Variants in PTPRD observed in about 807,000 individuals in gnomAD.
PTPRD encodes protein tyrosine phosphatase receptor type D, also known as receptor-type tyrosine-protein phosphatase delta.
In PTPRD, 34 loss-of-function variants were observed where a neutral mutation model predicts 214.5. The ratio of observed to expected loss-of-function variants is 0.16; its 90% CI spans 0.12 to 0.21. The LOEUF is 0.21. PTPRD is among the 10% of genes least tolerant of loss of function. The pLI is 1.00. For missense variants in PTPRD, 2,545 were observed against 2,398.7 expected, an observed-to-expected ratio of 1.06 and a Z score of -1.27; for synonymous variants, 1,128 against 845.7, an observed-to-expected ratio of 1.33 and a Z score of -5.79.
intron 42 of PTPRD, among the ~76,000 whole-genome samples, chr9:8,339,916 A>G (rs1051639174): frequency 6.6e-6 from 1 of 152,102 alleles, no homozygotes; most frequent in African/African-American, 2.4e-5. Context: ...TTGCTTTCCA[A>G]CACTTTATTC....
At chr9:9,822,614 A>AT (rs1447870477) in intron 5 of PTPRD, among the ~76,000 whole-genome samples, 2 of 151,152 alleles carry the variant, frequency 1.3e-5, no homozygotes, top group Non-Finnish European at 1.5e-5. Flanking sequence ...TTGTAATGTT[A>AT]TTTTTTAAAG....
intron 26 of PTPRD, among the ~76,000 whole-genome samples, chr9:8,493,359 G>C (rs1307463603): frequency 2.0e-5 from 3 of 152,166 alleles, no homozygotes; most frequent in African/African-American, 7.2e-5. Context: ...GATTATATGA[G>C]TTATATCAGG....
chr9:9,383,285 T>C (rs563193953), intron 9 of PTPRD, among the ~76,000 whole-genome samples: 1 of 152,250 alleles, frequency 6.6e-6, no homozygotes, highest in South Asian at 2.1e-4. Context: ...AATGAACCAA[T>C]ACCTGCTTTA....
intron 5 of PTPRD, among the ~76,000 whole-genome samples, chr9:9,785,801 T>C (rs1286424974): frequency 6.6e-6 from 1 of 152,136 alleles, no homozygotes; most frequent in Non-Finnish European, 1.5e-5. Flanking sequence ...GCTATGTCAG[T>C]TGTTAACATT....
intron 5 of PTPRD, among the ~76,000 whole-genome samples, chr9:9,902,996 G>T (rs535328030): frequency 1.4e-4 from 22 of 152,086 alleles, no homozygotes; most frequent in African/African-American, 5.3e-4. Flanking sequence ...TTAATTAAGG[G>T]AGTTTTACCT....
intron 3 of PTPRD, among the ~76,000 whole-genome samples, chr9:10,336,790 G>A (rs985655650): frequency 4.6e-5 from 7 of 151,684 alleles, no homozygotes; most frequent in African/African-American, 1.7e-4. Flanking sequence ...AGGGACTAGG[G>A]TATTAGACCA....
At chr9:10,608,925 AT>A (rs1294644919) in intron 2 of PTPRD, among the ~76,000 whole-genome samples, 2 of 152,164 alleles carry the variant, frequency 1.3e-5, no homozygotes, top group African/African-American at 4.8e-5. Context: ...TCCTAAAAAA[AT>A]AAAACAGTGA....
At chr9:9,092,702 A>G (rs1260224413) in intron 10 of PTPRD, among the ~76,000 whole-genome samples, 3 of 152,110 alleles carry the variant, frequency 2.0e-5, no homozygotes. Context: ...TGAAACCACT[A>G]TCATTTAAGA....
chr9:8,574,419 C>A (rs2091929501), intron 14 of PTPRD, among the ~76,000 whole-genome samples: 1 of 151,726 alleles, frequency 6.6e-6, no homozygotes, highest in Non-Finnish European at 1.5e-5. Flanking sequence ...AGTTGGGAGG[C>A]CCTAAAAATT....
chr9:9,940,384 T>A lies in PTPRD; in HGVS notation c.-471-1774A>T, dbSNP rs1359675191. Reference sequence around the variant, plus strand: ...CTTTGGAGCCTGTCAATGAACTCCATCAGGCTAGTTGCCAGGGGAATAGGA... The same window carrying A: ...CTTTGGAGCCTGTCAATGAACTCCAACAGGCTAGTTGCCAGGGGAATAGGA... On this transcript the variant is annotated intron_variant, in intron 4 of 45. Coordinates refer to ENST00000381196, the MANE Select transcript of PTPRD (RefSeq NM_002839.4). 2.0e-5 allele frequency among the ~76,000 whole-genome samples: 3 copies of A among 152,082 alleles called. No individual in the cohort carries two copies. The East Asian group carries it at 5.8e-4, about 29-fold the overall frequency.
chr9:8,916,204 C>T (rs115939983), intron 11 of PTPRD, among the ~76,000 whole-genome samples: 1 of 151,908 alleles, frequency 6.6e-6, no homozygotes, highest in African/African-American at 2.4e-5. Flanking sequence ...TGGGAGTCAA[C>T]AGCATGTAGA....
At chr9:10,156,374 C>G (rs528270569) in intron 3 of PTPRD, among the ~76,000 whole-genome samples, 1 of 152,018 alleles carries the variant, frequency 6.6e-6, no homozygotes, top group Non-Finnish European at 1.5e-5. Context: ...CTTGATTTCT[C>G]CCTTAATTTT....
At chr9:9,386,955 T>G (rs975402476) in intron 9 of PTPRD, among the ~76,000 whole-genome samples, 3 of 152,144 alleles carry the variant, frequency 2.0e-5, no homozygotes, top group Non-Finnish European at 4.4e-5. Flanking sequence ...ATCTACAGAA[T>G]GAGAATTCCA....
chr9:8,776,950 T>C (rs1275965571), intron 11 of PTPRD, among the ~76,000 whole-genome samples: 2 of 148,316 alleles, frequency 1.3e-5, no homozygotes, highest in Non-Finnish European at 1.5e-5. Context: ...TACATATGTA[T>C]AGTATATAAA....
chr9:10,297,123 A>AAT (rs57410714), intron 3 of PTPRD, among the ~76,000 whole-genome samples: 1,695 of 146,526 alleles, frequency 0.012, 39 homozygotes, highest in African/African-American at 0.039. Context: ...ATATATATAA[A>AAT]ATATATATAT....
intron 5 of PTPRD, among the ~76,000 whole-genome samples, chr9:9,832,494 A>G (rs1190499748): frequency 6.6e-6 from 1 of 151,972 alleles, no homozygotes; most frequent in Admixed American, 6.6e-5. Context: ...TCAGGTACAT[A>G]GCATGCCTAA....
intron 19 of PTPRD, among the ~76,000 whole-genome samples, chr9:8,522,846 T>G (rs1381345955): frequency 6.6e-6 from 1 of 152,120 alleles, no homozygotes; most frequent in East Asian, 1.9e-4. Flanking sequence ...TAAAGATTTT[T>G]TAAAAATTAT....
intron 3 of PTPRD, among the ~76,000 whole-genome samples, chr9:10,208,383 G>A (rs1320571403): frequency 1.3e-5 from 2 of 152,062 alleles, no homozygotes; most frequent in African/African-American, 2.4e-5. Flanking sequence ...GCGTGGTGGC[G>A]GGCGCCTGTA....
At chr9:10,061,944 C>T (rs934630633) in intron 3 of PTPRD, among the ~76,000 whole-genome samples, 1 of 151,934 alleles carries the variant, frequency 6.6e-6, no homozygotes, top group Non-Finnish European at 1.5e-5. Context: ...AATACTGAAT[C>T]GGAAACTCTG....
Sources: allele counts gnomAD v4.1 joint callset (sites outside exome capture counted in the v4.1 genomes callset), GRCh38; gene constraint gnomAD v4.1.1; transcripts MANE v1.5; gene names NCBI Gene and HGNC (gene_info 2026-07-23, HGNC 2026-07-21).